Variants in FGF13 observed in about 807,000 individuals in gnomAD.
The protein encoded by FGF13 is fibroblast growth factor homologous factor 2.
A neutral mutation model predicts 19.5 loss-of-function variants in FGF13; 2 were observed. The ratio of observed to expected loss-of-function variants is 0.10; its 90% CI spans 0.04 to 0.32. FGF13 has a LOEUF of 0.32. Among genes scored for constraint, FGF13 ranks in the 10% least tolerant of loss-of-function variants. The pLI, the probability that FGF13 is intolerant of heterozygous loss-of-function variation, is 1.00. For synonymous variants in FGF13, 72 were observed against 76.9 expected (o/e 0.94, Z 0.33); for missense variants, 113 against 192.7 (o/e 0.59, Z 2.45).
chrX:138,743,284 C>A (rs974541619), upstream of FGF13, among the ~76,000 whole-genome samples: 1 of 111,565 alleles, frequency 9.0e-6, no homozygotes, highest in African/African-American at 3.3e-5. Flanking sequence ...AGAAGCCAAT[C>A]TGAAAAGGTT....
intron 2 of FGF13, among the ~76,000 whole-genome samples, chrX:138,863,794 G>C (rs1198660009): frequency 1.8e-5 from 2 of 111,900 alleles, no homozygotes; most frequent in Non-Finnish European, 3.8e-5. Flanking sequence ...AATGCACTCT[G>C]GTAGTTGGAA....
At chrX:138,909,948 G>A (rs954668309) in intron 1 of FGF13, among the ~76,000 whole-genome samples, 12 of 111,285 alleles carry the variant, frequency 1.1e-4, no homozygotes, top group African/African-American at 3.9e-4. Flanking sequence ...AAAAAATTAA[G>A]TTAGTGTATC....
chrX:138,782,643 A>C (rs1219907354), intron 3 of FGF13, among the ~76,000 whole-genome samples: 1 of 88,732 alleles, frequency 1.1e-5, no homozygotes, highest in African/African-American at 4.3e-5. Context: ...ACTACAAACC[A>C]CTGCTCAAGG....
At chrX:138,889,909 T>C (rs868411169) in intron 1 of FGF13, among the ~76,000 whole-genome samples, 11 of 109,080 alleles carry the variant, frequency 1.0e-4, no homozygotes, top group South Asian at 4.0e-4. Context: ...GAGGAATATG[T>C]TACCCAACCT....
chrX:139,105,991 T>C (rs971555516), intron 1 of FGF13, among the ~76,000 whole-genome samples: 2 of 112,375 alleles, frequency 1.8e-5, no homozygotes, highest in Admixed American at 9.4e-5. Flanking sequence ...GTATGCTTGA[T>C]ACAGATTGTG....
intron 1 of FGF13, among the ~76,000 whole-genome samples, chrX:139,149,444 A>T (rs2083915615): frequency 8.9e-6 from 1 of 112,489 alleles, no homozygotes; most frequent in Non-Finnish European, 1.9e-5. Flanking sequence ...TACTGTTCAC[A>T]CTTATAAGAG....
At chrX:138,713,628 G>A (rs1197830559), upstream of FGF13, among the ~76,000 whole-genome samples, 1 of 111,639 alleles carries the variant, frequency 9.0e-6, no homozygotes, top group Non-Finnish European at 1.9e-5. Context: ...ATGGTATTGA[G>A]AAAATCATAA....
intron 1 of FGF13, among the ~76,000 whole-genome samples, chrX:139,060,757 T>C (rs1465022280): frequency 1.8e-5 from 2 of 111,489 alleles, no homozygotes; most frequent in Non-Finnish European, 3.8e-5. Context: ...TAGAAGGCTC[T>C]GGGTTTGGAG....
At chrX:139,028,582 CGTGTGTGT>C (rs1203709668) in intron 1 of FGF13, among the ~76,000 whole-genome samples, 990 of 61,589 alleles carry the variant, frequency 0.016, 14 homozygotes, top group African/African-American at 0.051. Context: ...GGAGAGAGAG[CGTGTGTGT>C]GTGTGTGTGT....
chrX:138,696,372 A>T (rs1008766415), intron 3 of FGF13, among the ~76,000 whole-genome samples: 3 of 112,124 alleles, frequency 2.7e-5, no homozygotes, highest in Non-Finnish European at 3.8e-5. Flanking sequence ...TAATTTCTTC[A>T]TTTAGCGTGA....
chrX:139,033,109 C>T (rs2092236547), intron 1 of FGF13, among the ~76,000 whole-genome samples: 1 of 102,672 alleles, frequency 9.7e-6, no homozygotes, highest in Non-Finnish European at 2.0e-5. Flanking sequence ...TCTTCCTTTT[C>T]CCCTCAGCTC....
At chrX:138,934,794 G>A (rs1022635857) in intron 1 of FGF13, among the ~76,000 whole-genome samples, 1 of 111,856 alleles carries the variant, frequency 8.9e-6, no homozygotes, top group Admixed American at 9.5e-5. Context: ...ATTTGACTCA[G>A]TCCTTCTGGG....
chrX:138,938,046 G>GGAA (rs746888874), intron 1 of FGF13, among the ~76,000 whole-genome samples: 11 of 111,461 alleles, frequency 9.9e-5, no homozygotes, highest in Non-Finnish European at 1.7e-4. Flanking sequence ...TGGCCATTGA[G>GGAA]GAAGAAGAAC....
intron 1 of FGF13, among the ~76,000 whole-genome samples, chrX:138,718,332 T>C (rs1269617751): frequency 8.1e-5 from 9 of 111,747 alleles, no homozygotes; most frequent in African/African-American, 1.3e-4. Context: ...AATGAAAAGC[T>C]AGGGGAAAAA....
chrX:138,804,484 A>G (rs960042360), intron 3 of FGF13, among the ~76,000 whole-genome samples: 2 of 112,096 alleles, frequency 1.8e-5, no homozygotes, highest in East Asian at 2.8e-4. Context: ...TAATTGTTCA[A>G]TGAATGCACT....
chrX:138,924,066 A>G (rs2091659827), intron 1 of FGF13, among the ~76,000 whole-genome samples: 1 of 112,092 alleles, frequency 8.9e-6, no homozygotes, highest in Admixed American at 9.5e-5. Context: ...TTTGATTTTC[A>G]TGAAGCTTTA....
intron 3 of FGF13, among the ~76,000 whole-genome samples, chrX:138,801,488 A>T (rs942747524): frequency 8.1e-5 from 9 of 111,461 alleles, no homozygotes; most frequent in African/African-American, 2.9e-4. Context: ...GCCTGATGCT[A>T]GCCACTGTTC....
chrX:139,061,756 C>T (rs1407344818), intron 1 of FGF13, among the ~76,000 whole-genome samples: 1 of 110,836 alleles, frequency 9.0e-6, no homozygotes, highest in Non-Finnish European at 1.9e-5. Context: ...TGATAATAGC[C>T]ACAGTAAAGG....
chrX:139,197,075 C>T (rs888208237), intron 1 of FGF13, among the ~76,000 whole-genome samples: 3 of 112,259 alleles, frequency 2.7e-5, no homozygotes, highest in African/African-American at 9.7e-5. Flanking sequence ...AAGTCTTTCT[C>T]TATCACAGTG....
Sources: gnomAD v4.1 joint callset for allele counts (sites outside exome capture counted in the v4.1 genomes callset) on GRCh38, gnomAD v4.1.1 for gene constraint, MANE v1.5 for transcripts, NCBI Gene and HGNC (gene_info 2026-07-23, HGNC 2026-07-21) for gene names.